The following SNRK variants were observed in gnomAD, a reference collection of about 807,000 sequenced individuals.
SNRK encodes the protein SNF related kinase.
A neutral mutation model predicts 48.2 loss-of-function variants in SNRK; 3 were observed. The observed-to-expected ratio is 0.06, with a 90% CI of 0.03 to 0.16. The LOEUF is 0.16. SNRK is among the 10% of genes least tolerant of loss of function. The pLI is 1.00. For synonymous variants in SNRK, 376 were observed against 366.1 expected, an observed-to-expected ratio of 1.03 and a Z score of -0.31; for missense variants, 627 against 976.0, an observed-to-expected ratio of 0.64 and a Z score of 4.76.
At chr3:43,306,290 TAGTC>T (rs1313247188) in intron 3 of SNRK, among the ~76,000 whole-genome samples, 11 of 152,150 alleles carry the variant, frequency 7.2e-5, no homozygotes, top group African/African-American at 1.4e-4. Flanking sequence ...ATGCCAAAAT[TAGTC>T]AGTGATTTTT....
intron 6 of SNRK, among the ~76,000 whole-genome samples, chr3:43,346,196 A>ACCC (rs2091274480): frequency 6.6e-6 from 1 of 152,200 alleles, no homozygotes; most frequent in Non-Finnish European, 1.5e-5. Context: ...CACTTCAGAG[A>ACCC]ATACTGCTTC....
rs575804087 is a variant in SNRK at position 43,340,837 on chromosome 3, C to T, written c.944+338C>T. On this transcript the variant is annotated intron_variant, in intron 5 of 6. Transcript: ENST00000296088. ...CTATTCTCATTCCTCTGTCTCCTGC[C>T]GGTCCCCACAGTGATAGGGAGAACA... 2.3e-3 allele frequency among the ~76,000 whole-genome samples: 347 copies of T among 152,288 alleles called. 2 individuals are homozygous for T. Among genetic ancestry groups the T allele is most frequent in the African/African-American group, 3.9e-3 (161 of 41,558 alleles).
At chr3:43,320,849 A>G (rs926623901) in intron 3 of SNRK, among the ~76,000 whole-genome samples, 4 of 151,954 alleles carry the variant, frequency 2.6e-5, no homozygotes, top group Non-Finnish European at 5.9e-5. Flanking sequence ...CTTTAGATCT[A>G]GAAAGGGCTC....
At chr3:43,324,286 G>C (rs916734616) in intron 3 of SNRK, among the ~76,000 whole-genome samples, 2 of 152,150 alleles carry the variant, frequency 1.3e-5, no homozygotes, top group African/African-American at 4.8e-5. Context: ...AAGGCGGGTG[G>C]ATCACAAGGT....
At chr3:43,336,114 C>G (rs760260675) in intron 4 of SNRK, among the ~76,000 whole-genome samples, 1 of 151,842 alleles carries the variant, frequency 6.6e-6, no homozygotes, top group African/African-American at 2.4e-5. Flanking sequence ...TGTCCTACTT[C>G]AGTTTTTTTT....
intron 3 of SNRK, among the ~76,000 whole-genome samples, chr3:43,319,231 G>T (rs1296184538): frequency 2.0e-5 from 3 of 152,092 alleles, no homozygotes; most frequent in Admixed American, 6.5e-5. Context: ...GTTGTAATAA[G>T]AAAGTATTTC....
intron 6 of SNRK, among the ~76,000 whole-genome samples, chr3:43,344,856 G>A (rs1033491240): frequency 9.9e-5 from 15 of 152,046 alleles, no homozygotes; most frequent in East Asian, 1.9e-4. Context: ...CAGGTGCACC[G>A]AGACTGGAGC....
chr3:43,306,788 T>C (rs767632977), intron 3 of SNRK, among the ~76,000 whole-genome samples: 3 of 152,220 alleles, frequency 2.0e-5, no homozygotes, highest in Non-Finnish European at 4.4e-5. Flanking sequence ...GGTTTCTTAC[T>C]TAACTGAAAA....
At chr3:43,326,401 T>A (rs1258989804) in intron 3 of SNRK, among the ~76,000 whole-genome samples, 1 of 152,054 alleles carries the variant, frequency 6.6e-6, no homozygotes, top group Admixed American at 6.5e-5. Context: ...AATTTCAGGT[T>A]TTCATTCAGC....
At chr3:43,315,659 A>G (rs1393911470) in intron 3 of SNRK, among the ~76,000 whole-genome samples, 1 of 152,184 alleles carries the variant, frequency 6.6e-6, no homozygotes, top group African/African-American at 2.4e-5. Context: ...AAGAAGTTTG[A>G]TCTACTTTAA....
intron 3 of SNRK, among the ~76,000 whole-genome samples, chr3:43,311,424 G>A (rs2090978275): frequency 6.6e-6 from 1 of 152,090 alleles, no homozygotes; most frequent in Admixed American, 6.6e-5. Context: ...CGTATCTAGG[G>A]ATTTGGGAAA....
At chr3:43,294,663 G>A (rs2090838838) in intron 1 of SNRK, among the ~76,000 whole-genome samples, 1 of 151,534 alleles carries the variant, frequency 6.6e-6, no homozygotes, top group Admixed American at 6.6e-5. Flanking sequence ...TTCCTGGAAT[G>A]AGCCTGTCTT....
intron 4 of SNRK, among the ~76,000 whole-genome samples, chr3:43,335,014 TTTG>T (rs748093235): frequency 9.9e-5 from 15 of 152,118 alleles, no homozygotes; most frequent in East Asian, 1.9e-4. Context: ...TTGCCAGAAG[TTTG>T]TTATTTTATT....
intron 4 of SNRK, among the ~76,000 whole-genome samples, chr3:43,338,267 A>G (rs2091206510): frequency 1.3e-5 from 2 of 152,244 alleles, no homozygotes; most frequent in South Asian, 4.1e-4. Flanking sequence ...TGTTTGGATG[A>G]GCATATGTTG....
rs115092215 is a variant in SNRK, at chr3:43,335,771, G to A, written c.731+3461G>A. 3.3e-3 allele frequency among the ~76,000 whole-genome samples: 495 copies of A among 152,190 alleles called. 1 individual carries two copies. The highest frequency in any genetic ancestry group is 0.011 in the African/African-American group (448 of 41,544). The stretch of plus-strand genomic sequence containing the variant: ...AGGTGCAAACAAGTTGAAAAGTGTC[G>A]TATCTTCCCATTCTATCAATTTGTA... On this transcript the variant is annotated intron_variant, in intron 4 of 6. Transcript: ENST00000296088.
chr3:43,291,172 C>G (rs1028955686), intron 1 of SNRK, among the ~76,000 whole-genome samples: 1 of 152,144 alleles, frequency 6.6e-6, no homozygotes, highest in Non-Finnish European at 1.5e-5. Flanking sequence ...CTGCGCTCTG[C>G]ATATATTGTT....
chr3:43,347,956 G>A lies in SNRK; in HGVS notation c.1697G>A (p.Arg566Gln). 1.9e-6 allele frequency: 3 copies of A among 1,614,092 alleles called. No individual in the cohort carries two copies. The highest frequency in any genetic ancestry group is 2.5e-6 in the Non-Finnish European group (3 of 1,180,032). The change falls in exon 7 of 7, where the codon CGA (arginine) becomes CAA (glutamine). Residue 566 changes from arginine to glutamine, a missense_variant. Transcript: ENST00000296088. This position sits in a 1 kb window ranked among gnomAD's most constrained non-coding sequence, Gnocchi z 5.4. ...AGCGGGTTCACCTACTCCTGGCACC[G>A]ACGGGATAGCAGCGAGGGGCCCCCT... is the stretch of plus-strand genomic sequence containing the variant. ...KDSGFTYSWH[R>Q]RDSSEGPPGS...
chr3:43,342,078 G>A (rs2091242114), intron 5 of SNRK, among the ~76,000 whole-genome samples: 1 of 152,174 alleles, frequency 6.6e-6, no homozygotes, highest in African/African-American at 2.4e-5. Flanking sequence ...AAGGCTGTTT[G>A]TATCTCTCTG....
intron 2 of SNRK, among the ~76,000 whole-genome samples, chr3:43,301,041 A>G (rs1464804942): frequency 6.6e-6 from 1 of 152,206 alleles, no homozygotes. Context: ...TTTGAGGGGA[A>G]TTGTGAGGAT....
Sources: gnomAD v4.1 joint callset for allele counts (sites outside exome capture counted in the v4.1 genomes callset) on GRCh38, gnomAD v4.1.1 for gene constraint, Gnocchi (gnomAD v3.1) non-coding constraint, MANE v1.5 for transcripts, NCBI Gene and HGNC (gene_info 2026-07-23, HGNC 2026-07-21) for gene names.